TPST1: variants seen among roughly 807,000 people sequenced by gnomAD.
The protein encoded by TPST1 is tyrosylprotein sulfotransferase 1.
Under a neutral mutation model 34.8 loss-of-function variants are expected in TPST1, and 20 were observed. The observed-to-expected ratio is 0.57, with a 90% CI of 0.40 to 0.84. TPST1 has a LOEUF of 0.84. Ranked by LOEUF, TPST1 falls within the 40% of genes least tolerant of loss-of-function variation. TPST1 has a pLI of 0.00. For synonymous variants in TPST1, 152 were observed against 159.4 expected, an observed-to-expected ratio of 0.95 and a Z score of 0.35; for missense variants, 353 against 455.5, an observed-to-expected ratio of 0.78 and a Z score of 2.05.
chr7:66,231,263 G>C (rs966187194), intron 1 of TPST1, among the ~76,000 whole-genome samples: 2 of 152,246 alleles, frequency 1.3e-5, no homozygotes. Context: ...GGTTCTCCAC[G>C]TCCCCACCAG....
intron 3 of TPST1, among the ~76,000 whole-genome samples, chr7:66,340,740 A>G (rs935118267): frequency 1.3e-5 from 2 of 152,252 alleles, no homozygotes; most frequent in African/African-American, 4.8e-5. Context: ...GAAATTGAAG[A>G]GGACATATAG....
chr7:66,252,201 G>A (rs1276103118), intron 2 of TPST1, among the ~76,000 whole-genome samples: 1 of 151,710 alleles, frequency 6.6e-6, no homozygotes, highest in Non-Finnish European at 1.5e-5. Context: ...GGGACTACAG[G>A]CGCCTGCCAC....
In TPST1 at chr7:66,213,345, G is replaced by A. The variant is rs76582828; in HGVS notation, c.-102+7823G>A. ...CATTCTGCTGTTGAGCTAACCCACC[G>A]AGTTATTATTTTGGTTGTTTTTCAG... is the stretch of plus-strand genomic sequence containing the variant. On this transcript the variant is annotated intron_variant, in intron 1 of 5. Transcript: ENST00000304842. Among the ~76,000 whole-genome samples, 1,119 of 152,092 alleles carry A rather than the reference G, an allele frequency of 7.4e-3. 14 individuals carry two copies. Among genetic ancestry groups the A allele is most frequent in the African/African-American group, 0.024 (993 of 41,532 alleles).
At chr7:66,340,439 A>G (rs79195000) in intron 3 of TPST1, among the ~76,000 whole-genome samples, 1 of 152,334 alleles carries the variant, frequency 6.6e-6, no homozygotes, top group East Asian at 1.9e-4. Flanking sequence ...TTGGAAAGGA[A>G]GAAACCACAT....
Position 66,243,610 on chromosome 7 carries a change from ATTTTTTTTTTT to A in TPST1, c.845+2348_845+2358del, listed in dbSNP as rs10627680. 3.2e-5 allele frequency among the ~76,000 whole-genome samples: 4 copies of A among 123,376 alleles called. 1 individual carries two copies. The Admixed American group carries it at 3.5e-4, about 11-fold the overall frequency. 80.9% of individuals were successfully genotyped at this position (123,376 alleles called of 152,430 possible). On this transcript the variant is annotated intron_variant, in intron 2 of 5. Transcript: ENST00000304842. Reference sequence around the variant, plus strand: ...AGGCACGCATCACCATGCCCAGCTAATTTTTTTTTTTTTTTTTTGTATTTTTGGTAGAGCCC... The same window carrying A: ...AGGCACGCATCACCATGCCCAGCTAATTTTTTTGTATTTTTGGTAGAGCCC...
chr7:66,346,517 C>A lies in TPST1; in HGVS notation c.1045-5988C>A, dbSNP rs191176223. Among the ~76,000 whole-genome samples the A allele has an allele frequency of 5.3e-5, 8 of 152,216 alleles. No homozygotes were observed. The East Asian group carries it at 1.4e-3, about 26-fold the overall frequency. On this transcript the variant is annotated intron_variant, in intron 3 of 5. Transcript: ENST00000304842. ...TATTGCCTGTCTTTTGGATAAAAGC[C>A]ATTTTAACTGGGATGAGATGATATC...
intron 2 of TPST1, among the ~76,000 whole-genome samples, chr7:66,277,880 A>T (rs535461420): frequency 2.6e-5 from 4 of 152,142 alleles, no homozygotes; most frequent in South Asian, 2.1e-4. Flanking sequence ...TGGGTGGATC[A>T]CTTGAGGTCA....
At chr7:66,317,984 C>A (rs1034715846) in intron 3 of TPST1, among the ~76,000 whole-genome samples, 2 of 152,112 alleles carry the variant, frequency 1.3e-5, no homozygotes, top group African/African-American at 4.8e-5. Context: ...CATGGCGAAA[C>A]CCCGTCTCTA....
chr7:66,319,202 A>T (rs1020917364), intron 3 of TPST1, among the ~76,000 whole-genome samples: 1 of 152,160 alleles, frequency 6.6e-6, no homozygotes, highest in African/African-American at 2.4e-5. Context: ...AGTTATTTGA[A>T]TATTAAAATG....
chr7:66,343,697 C>G (rs1792285302), intron 3 of TPST1, among the ~76,000 whole-genome samples: 1 of 152,218 alleles, frequency 6.6e-6, no homozygotes, highest in African/African-American at 2.4e-5. Flanking sequence ...CCCAGTATAT[C>G]ATGTCTGCTT....
chr7:66,329,445 A>G (rs1457486535), intron 3 of TPST1, among the ~76,000 whole-genome samples: 3 of 151,652 alleles, frequency 2.0e-5, no homozygotes, highest in Admixed American at 1.3e-4. Context: ...TTTTATTGGT[A>G]TTAGTTGAAA....
intron 1 of TPST1, among the ~76,000 whole-genome samples, chr7:66,221,046 T>C (rs932542034): frequency 6.6e-6 from 1 of 151,940 alleles, no homozygotes; most frequent in African/African-American, 2.4e-5. Flanking sequence ...GGCAGGAGAA[T>C]TGCTTGAACC....
chr7:66,316,207 A>C (rs1286948353), intron 3 of TPST1, among the ~76,000 whole-genome samples: 2 of 151,986 alleles, frequency 1.3e-5, no homozygotes, highest in African/African-American at 2.4e-5. Context: ...TTGTGTTCAT[A>C]AATTATTTAG....
intron 2 of TPST1, among the ~76,000 whole-genome samples, chr7:66,275,962 T>G (rs1167888929): frequency 6.6e-6 from 1 of 152,086 alleles, no homozygotes; most frequent in African/African-American, 2.4e-5. Context: ...TTAAAACATG[T>G]TATATATTCA....
At chr7:66,220,107 T>G (rs1789511319) in intron 1 of TPST1, among the ~76,000 whole-genome samples, 1 of 152,130 alleles carries the variant, frequency 6.6e-6, no homozygotes, top group African/African-American at 2.4e-5. Context: ...CAAACCATAT[T>G]ATAACACTGG....
chr7:66,256,850 C>G (rs995575243), intron 2 of TPST1, among the ~76,000 whole-genome samples: 2 of 152,200 alleles, frequency 1.3e-5, no homozygotes, highest in Non-Finnish European at 2.9e-5. Flanking sequence ...GCCCCTTCCT[C>G]CAGGTCTCCA....
intron 3 of TPST1, among the ~76,000 whole-genome samples, chr7:66,345,065 GTGTACACACGA>G (rs975954285): frequency 6.6e-5 from 10 of 151,700 alleles, no homozygotes; most frequent in African/African-American, 2.4e-4. Context: ...ATGTAAAATT[GTGTACACACGA>G]TGGGAATAAC....
chr7:66,320,803 G>C (rs979676108), intron 3 of TPST1, among the ~76,000 whole-genome samples: 2 of 147,254 alleles, frequency 1.4e-5, no homozygotes, highest in Non-Finnish European at 3.0e-5. Context: ...TCACCATGTT[G>C]GTCAGGCTGG....
At chr7:66,206,250 G>A (rs1472929354) in intron 1 of TPST1, among the ~76,000 whole-genome samples, 3 of 151,520 alleles carry the variant, frequency 2.0e-5, no homozygotes, top group Non-Finnish European at 4.4e-5. Flanking sequence ...GAGCCACTGC[G>A]CCTGGCTCAG....
Sources: allele counts gnomAD v4.1 joint callset (sites outside exome capture counted in the v4.1 genomes callset), GRCh38; gene constraint gnomAD v4.1.1; transcripts MANE v1.5; gene names NCBI Gene and HGNC (gene_info 2026-07-23, HGNC 2026-07-21).